PRKDC: variants seen among roughly 807,000 people sequenced by gnomAD.
PRKDC encodes protein kinase, DNA-activated, catalytic subunit.
Under a neutral mutation model 486.9 loss-of-function variants are expected in PRKDC, and 82 were observed. That is an observed-to-expected ratio of 0.17 (90% CI 0.14 to 0.20). The LOEUF (loss-of-function observed/expected upper bound fraction) is 0.20, where lower values mean the gene tolerates loss of function less well. PRKDC is among the 10% of genes least tolerant of loss of function. PRKDC has a pLI of 1.00. For synonymous variants in PRKDC, 1,895 were observed against 1,837.0 expected, an observed-to-expected ratio of 1.03 and a Z score of -0.81; for missense variants, 4,504 against 5,038.2, an observed-to-expected ratio of 0.89 and a Z score of 3.21.
chr8:47,791,571 A>G (rs559436331), intron 74 of PRKDC, among the ~76,000 whole-genome samples: 1 of 152,186 alleles, frequency 6.6e-6, no homozygotes, highest in Non-Finnish European at 1.5e-5. Context: ...GGGGCAAAGG[A>G]TCTGAATAGA....
At chr8:47,836,252 C>T in intron 58 of PRKDC, 86 bp downstream of exon 58, 3 of 1,284,674 alleles carry the variant, frequency 2.3e-6, no homozygotes, top group South Asian at 2.7e-5. Context: ...TTACTTCTCT[C>T]ACAAAAGCCC....
intron 10 of PRKDC, among the ~76,000 whole-genome samples, chr8:47,942,915 A>G (rs1451674003): frequency 6.6e-6 from 1 of 152,068 alleles, no homozygotes; most frequent in Non-Finnish European, 1.5e-5. Flanking sequence ...TCAGCCCTCC[A>G]CCCACTCTCC....
intron 67 of PRKDC, among the ~76,000 whole-genome samples, chr8:47,818,290 G>A (rs1455578597): frequency 6.6e-6 from 1 of 152,030 alleles, no homozygotes; most frequent in African/African-American, 2.4e-5. Context: ...ATAAAGACTA[G>A]GTAATATTGG....
chr8:47,803,038 C>A (rs1285373064), intron 70 of PRKDC, among the ~76,000 whole-genome samples: 1 of 152,190 alleles, frequency 6.6e-6, no homozygotes, highest in African/African-American at 2.4e-5. Context: ...CCACCCACCT[C>A]GGTCGCCCAA....
At chr8:47,819,773 GCCA>G (rs1296091556) in intron 66 of PRKDC, among the ~76,000 whole-genome samples, 2 of 152,076 alleles carry the variant, frequency 1.3e-5, no homozygotes, top group African/African-American at 2.4e-5. Context: ...GCCTCGACTT[GCCA>G]CCAAGTTTTA....
At position 47,858,880 on chromosome 8, in the gene PRKDC, T is replaced by C. The variant is rs1159943440; in HGVS notation, c.6314A>G (p.His2105Arg). Residue 2105 changes from histidine to arginine, a missense_variant, in exon 47 of 86, where the codon CAC (histidine) becomes CGC (arginine). Coordinates refer to ENST00000314191, the MANE Select transcript of PRKDC (RefSeq NM_006904.7). ...APLTALVKHM[H>R]RSLGPPQGEE... is the part of the protein sequence containing the mutation. Reference sequence around the variant, plus strand: ...TCCTTGAGGCGGGCCCAGGCTTCTGTGCATGTGCTTGACCAGGGCCGTCAG... The same window carrying C: ...TCCTTGAGGCGGGCCCAGGCTTCTGCGCATGTGCTTGACCAGGGCCGTCAG... 10 of 1,613,794 alleles carry C rather than the reference T, an allele frequency of 6.2e-6. No individual in the cohort carries two copies. Among genetic ancestry groups the C allele is most frequent in the African/African-American group, 2.7e-5 (2 of 74,930 alleles).
In PRKDC at chr8:47,858,925, C is replaced by T. The variant is rs371328148; in HGVS notation, c.6269G>A (p.Arg2090Gln). 6 of 1,613,666 alleles carry T rather than the reference C, an allele frequency of 3.7e-6. No homozygotes were observed. Among genetic ancestry groups the T allele is most frequent in the East Asian group, 2.2e-5 (1 of 44,872 alleles). Residue 2090 changes from arginine (R) to glutamine (Q), a missense_variant, in exon 47 of 86, where the codon CGG becomes CAG. By Grantham distance (43) the Arg-to-Gln change is conservative. Transcript: ENST00000314191. ...CGTCAGGGGCGCCATGCACTCATGC[C>T]GATTGAGCTCGTCCATCTCCAGCTC... ...VLELEMDELN[R>Q]HECMAPLTAL... is the part of the protein sequence containing the mutation.
At chr8:47,952,305 A>C (rs1343325676) in intron 7 of PRKDC, among the ~76,000 whole-genome samples, 1 of 152,230 alleles carries the variant, frequency 6.6e-6, no homozygotes, top group African/African-American at 2.4e-5. Context: ...GACAATGCTG[A>C]CATATCAGGA....
chr8:47,956,074 A>G (rs2090695471), intron 3 of PRKDC, 126 bp from the exon 4 acceptor site: 1 of 729,770 alleles, frequency 1.4e-6, no homozygotes, highest in Non-Finnish European at 2.3e-6. Context: ...TGGAAAATAT[A>G]ACATTAGGCC....
rs570382874 is a variant in PRKDC, at chr8:47,932,556, G to A, written c.1776+464C>T. Among the ~76,000 whole-genome samples the A allele has an allele frequency of 2.6e-5, 4 of 152,040 alleles. No homozygotes were observed. In the South Asian group the frequency reaches 8.3e-4, roughly 32 times the overall value. ...TCTTTAACTCAGGCTAGGAAAATTG[G>A]GTGTGAAAAAAAGGGAGGGCATTTT... On this transcript the variant is annotated intron_variant, in intron 16 of 85. Coordinates refer to ENST00000314191, the MANE Select transcript of PRKDC (RefSeq NM_006904.7).
At chr8:47,879,362 T>C in intron 39 of PRKDC, 129 bp downstream of exon 39, 7 of 807,434 alleles carry the variant, frequency 8.7e-6, no homozygotes, top group South Asian at 2.2e-5. Flanking sequence ...AAAGAACATT[T>C]TGAATAACCT....
At chr8:47,893,413 G>A (rs774575743) in intron 30 of PRKDC, 26 bp from the exon 31 acceptor site, 1 of 1,476,976 alleles carries the variant, frequency 6.8e-7, no homozygotes, top group South Asian at 1.5e-5. Context: ...AAATTAAAAT[G>A]CACACATATA....
chr8:47,950,042 C>A (rs1347929702), intron 7 of PRKDC, among the ~76,000 whole-genome samples: 1 of 151,984 alleles, frequency 6.6e-6, no homozygotes, highest in Non-Finnish European at 1.5e-5. Flanking sequence ...GAGGCCGAGG[C>A]AGGTGGATCA....
chr8:47,827,592 A>G (rs2087765854), intron 62 of PRKDC, among the ~76,000 whole-genome samples: 1 of 152,200 alleles, frequency 6.6e-6, no homozygotes, highest in South Asian at 2.1e-4. Context: ...CCCCATCAAG[A>G]GGCACCTGCT....
intron 21 of PRKDC, 37 bp downstream of exon 21, chr8:47,927,157 T>C (rs780336477): frequency 6.3e-7 from 1 of 1,590,502 alleles, no homozygotes; most frequent in Admixed American, 1.7e-5. Context: ...ATTTCCATTT[T>C]AATTACAATA....
intron 64 of PRKDC, among the ~76,000 whole-genome samples, chr8:47,822,384 C>G (rs1163729525): frequency 6.6e-6 from 1 of 152,054 alleles, no homozygotes; most frequent in Non-Finnish European, 1.5e-5. Flanking sequence ...TGAAGACTTT[C>G]AATCACAATA....
Position 47,823,948 on chromosome 8 carries a change from G to A in PRKDC, c.8832C>T (p.Thr2944=). The part of the protein sequence containing the change: ...GEYDVLRGIF[T]SEIGTKQITQ... ...TGATTTGCTTTGTTCCTATCTCACT[G>A]GTAAAAATCCCACGGAGGACGTCGT... Residue 2944 remains threonine, a synonymous_variant, in exon 64 of 86, where the codon ACC becomes ACT. Transcript: ENST00000314191. 2 of 1,612,944 alleles carry A rather than the reference G, an allele frequency of 1.2e-6. No homozygotes were observed. Among genetic ancestry groups the A allele is most frequent in the Middle Eastern group, 1.7e-4 (1 of 6,056 alleles).
At chr8:47,901,641 G>A (rs996519465) in intron 27 of PRKDC, among the ~76,000 whole-genome samples, 1 of 152,176 alleles carries the variant, frequency 6.6e-6, no homozygotes, top group Non-Finnish European at 1.5e-5. Flanking sequence ...CTGCAGAACT[G>A]CTCATTTGCC....
At chr8:47,894,488 A>C (rs2089535107) in intron 30 of PRKDC, among the ~76,000 whole-genome samples, 1 of 152,242 alleles carries the variant, frequency 6.6e-6, no homozygotes, top group Admixed American at 6.5e-5. Context: ...ACAAGGGTAC[A>C]TCACAAGAAG....
Sources: gnomAD v4.1 joint callset for allele counts (sites outside exome capture counted in the v4.1 genomes callset) on GRCh38, gnomAD v4.1.1 for gene constraint, MANE v1.5 for transcripts, NCBI Gene and HGNC (gene_info 2026-07-23, HGNC 2026-07-21) for gene names.